Variants in ABCG2 observed in about 807,000 individuals in gnomAD.
The protein encoded by ABCG2 is broad substrate specificity ATP-binding cassette transporter ABCG2.
ABCG2 carries 80 observed loss-of-function variants against 73.5 expected under a neutral mutation model. That is an observed-to-expected ratio of 1.09 (90% CI 0.91 to 1.31). ABCG2 has a LOEUF of 1.31. Ranked by LOEUF, ABCG2 falls within the 50% of genes most tolerant of loss-of-function variation. The pLI is 0.00. For missense variants in ABCG2, 796 were observed against 786.2 expected (o/e 1.01, Z -0.15); for synonymous variants, 269 against 282.4 (o/e 0.95, Z 0.48).
intron 9 of ABCG2, among the ~76,000 whole-genome samples, chr4:88,108,960 C>T (rs1003519152): frequency 7.2e-5 from 11 of 151,732 alleles, no homozygotes; most frequent in African/African-American, 2.2e-4. Flanking sequence ...CAAGAGTCTA[C>T]GTTTTCACAC....
chr4:88,213,975 G>A (rs888397534), intron 1 of ABCG2, among the ~76,000 whole-genome samples: 8 of 126,646 alleles, frequency 6.3e-5, no homozygotes, highest in African/African-American at 9.1e-5. Context: ...GAGCCACCAC[G>A]CCCGGCCTTT....
intron 7 of ABCG2, among the ~76,000 whole-genome samples, chr4:88,115,284 AATT>A (rs1723494768): frequency 1.4e-5 from 1 of 73,136 alleles, no homozygotes; most frequent in Non-Finnish European, 2.6e-5. Flanking sequence ...ATATATATAT[AATT>A]TATTTATTTA....
Position 88,092,112 on chromosome 4 carries a change from T to C in ABCG2, c.*122A>G. ...CTAAAAATGTATCTCTTTAAAACAATTGCTGCTGTGCAACAGTGTGATGGC... is the reference window on the plus strand; with the variant it reads ...CTAAAAATGTATCTCTTTAAAACAACTGCTGCTGTGCAACAGTGTGATGGC... On this transcript the variant is annotated 3_prime_UTR_variant, in exon 16 of 16. Coordinates refer to ENST00000237612, the MANE Select transcript of ABCG2 (RefSeq NM_004827.3). The C allele has an allele frequency of 2.3e-6, 2 of 873,686 alleles. No individual in the cohort carries two copies. Among genetic ancestry groups the C allele is most frequent in the South Asian group, 1.9e-5 (1 of 51,650 alleles). The allele number at this position is 873,686 out of a possible 1,614,324, so 54.1% of individuals were successfully genotyped here.
At chr4:88,155,081 GGCAGT>G (rs1726846420) in intron 1 of ABCG2, among the ~76,000 whole-genome samples, 1 of 152,102 alleles carries the variant, frequency 6.6e-6, no homozygotes, top group Non-Finnish European at 1.5e-5. Flanking sequence ...TAGGGTGGGG[GGCAGT>G]CTCTAAAGCT....
chr4:88,159,027 C>T (rs965156141), upstream of ABCG2: 4 of 406,688 alleles, frequency 9.8e-6, no homozygotes, highest in African/African-American at 2.1e-5. Context: ...AAAGCGCACA[C>T]GTGTCCTGCC....
At chr4:88,187,395 T>C (rs541566748) in intron 1 of ABCG2, among the ~76,000 whole-genome samples, 2 of 152,126 alleles carry the variant, frequency 1.3e-5, no homozygotes, top group Non-Finnish European at 2.9e-5. Context: ...GGCGGATCTC[T>C]TGAGGTCAGG....
At chr4:88,180,912 G>A (rs187641326) in intron 1 of ABCG2, among the ~76,000 whole-genome samples, 2 of 152,208 alleles carry the variant, frequency 1.3e-5, no homozygotes, top group Non-Finnish European at 2.9e-5. Flanking sequence ...CTCATATTTT[G>A]AGTAGAATGA....
At chr4:88,157,185 G>A (rs923798098) in intron 1 of ABCG2, among the ~76,000 whole-genome samples, 3 of 151,948 alleles carry the variant, frequency 2.0e-5, no homozygotes, top group Non-Finnish European at 4.4e-5. Flanking sequence ...CCAAAATGCA[G>A]AACATTCATC....
rs1326613080 is a variant in ABCG2, at chr4:88,167,977, G to C, written c.-19-27963C>G. 3.9e-4 allele frequency among the ~76,000 whole-genome samples: 59 copies of C among 151,562 alleles called. 1 individual carries two copies. Among genetic ancestry groups the C allele is most frequent in the Admixed American group, 3.8e-3 (58 of 15,176 alleles). On this transcript the variant is annotated intron_variant, in intron 1 of 15. Coordinates refer to the ABCG2 transcript ENST00000515655. The stretch of plus-strand genomic sequence containing the variant: ...AGTTACCAAGATAGCAATAATCTTG[G>C]AGAGACGAGAAATGTCAAAAAGCAG...
intron 9 of ABCG2, among the ~76,000 whole-genome samples, chr4:88,109,850 T>A (rs1324137523): frequency 1.3e-5 from 2 of 152,206 alleles, no homozygotes; most frequent in Admixed American, 6.5e-5. Flanking sequence ...TACAAAATCA[T>A]AAACCCTGAA....
At chr4:88,217,893 G>A (rs868803227) in intron 1 of ABCG2, among the ~76,000 whole-genome samples, 1 of 151,124 alleles carries the variant, frequency 6.6e-6, no homozygotes, top group Non-Finnish European at 1.5e-5. Context: ...TTGAGCCCCG[G>A]TGTTTGAGGC....
rs1396314984 is a variant in ABCG2 at position 88,131,935 on chromosome 4, T to C, written c.264-18A>G. On this transcript the variant is annotated intron_variant, in intron 3 of 15. Transcript: ENST00000237612. ...CTAATAACCTATAAGAGGACATATA[T>C]GTTGTGGGTCTAATAACCTATAAGA... 5 of 1,578,718 alleles carry C rather than the reference T, an allele frequency of 3.2e-6. No homozygotes were observed. The highest frequency in any genetic ancestry group is 3.5e-6 in the Non-Finnish European group (4 of 1,148,456).
chr4:88,132,045 A>G (rs752931347), intron 3 of ABCG2, 128 bp from the exon 4 acceptor site: 1 of 622,234 alleles, frequency 1.6e-6, no homozygotes. Context: ...TACTTTAGTT[A>G]GAAAATTAAC....
At chr4:88,099,187 C>T in intron 12 of ABCG2, 137 bp downstream of exon 12, 2 of 782,098 alleles carry the variant, frequency 2.6e-6, no homozygotes, top group African/African-American at 1.8e-5. Context: ...TCAGAGAGTG[C>T]AAAATGGACA....
At chr4:88,211,360 C>CCA (rs1560460452) in intron 1 of ABCG2, among the ~76,000 whole-genome samples, 1 of 58,504 alleles carries the variant, frequency 1.7e-5, no homozygotes, top group Middle Eastern at 7.6e-3. Flanking sequence ...CAACCCCTGC[C>CCA]CCACCCCCCC....
intron 1 of ABCG2, among the ~76,000 whole-genome samples, chr4:88,147,441 C>T (rs1578229389): frequency 6.6e-6 from 1 of 152,230 alleles, no homozygotes; most frequent in Non-Finnish European, 1.5e-5. Context: ...GTCTATCCTA[C>T]ACTAAGTACA....
intron 5 of ABCG2, among the ~76,000 whole-genome samples, chr4:88,130,539 T>TC (rs1247792513): frequency 6.6e-6 from 1 of 151,688 alleles, no homozygotes; most frequent in African/African-American, 2.4e-5. Flanking sequence ...CCCAAAACCA[T>TC]CCCCCCTACC....
At chr4:88,220,625 T>C (rs1304778499) in intron 1 of ABCG2, 1 of 152,696 alleles carries the variant, frequency 6.5e-6, no homozygotes, top group Non-Finnish European at 1.5e-5. Flanking sequence ...TTGCCTCCTG[T>C]AGACTGACAG....
At chr4:88,184,729 C>T (rs932780264) in intron 1 of ABCG2, among the ~76,000 whole-genome samples, 4 of 152,028 alleles carry the variant, frequency 2.6e-5, no homozygotes, top group African/African-American at 9.7e-5. Flanking sequence ...CCTCAAAAGA[C>T]CCACAATAGG....
Sources: allele counts gnomAD v4.1 joint callset (sites outside exome capture counted in the v4.1 genomes callset), GRCh38; gene constraint gnomAD v4.1.1; transcripts MANE v1.5; gene names NCBI Gene and HGNC (gene_info 2026-07-23, HGNC 2026-07-21).